Variants in KCNAB2 observed in about 807,000 individuals in gnomAD.
KCNAB2 encodes the protein potassium voltage-gated channel subfamily A regulatory beta subunit 2, also known as voltage-gated potassium channel subunit beta-2.
Under a neutral mutation model 63.6 loss-of-function variants are expected in KCNAB2, and 29 were observed. The observed-to-expected ratio is 0.46, with a 90% CI of 0.34 to 0.62. The LOEUF is 0.62. Ranked by LOEUF, KCNAB2 falls within the 20% of genes least tolerant of loss-of-function variation. The probability of loss-of-function intolerance (pLI) is 0.01; values close to 1 mark genes in which losing one functional copy is unlikely to be tolerated. For missense variants in KCNAB2, 359 were observed against 563.9 expected (o/e 0.64, Z 3.68); for synonymous variants, 222 against 224.2 (o/e 0.99, Z 0.09).
chr1:6,043,047 T>C (rs1660634479), upstream of KCNAB2, among the ~76,000 whole-genome samples: 1 of 152,166 alleles, frequency 6.6e-6, no homozygotes. Flanking sequence ...AACTCCGGCT[T>C]GCAAATGCTT....
intron 2 of KCNAB2, among the ~76,000 whole-genome samples, chr1:6,062,686 A>G (rs1463790827): frequency 6.6e-6 from 1 of 152,188 alleles, no homozygotes; most frequent in Non-Finnish European, 1.5e-5. Context: ...AGCTGATGTC[A>G]CAAGTGACTC....
chr1:6,098,366 G>A, intron 15 of KCNAB2, 119 bp from the exon 16 acceptor site: 2 of 1,502,978 alleles, frequency 1.3e-6, no homozygotes, highest in Admixed American at 2.4e-5. Flanking sequence ...GAGCCCAGAT[G>A]TGATGGGGCA....
At chr1:6,002,942 T>C (rs1657341612) in intron 1 of KCNAB2, among the ~76,000 whole-genome samples, 1 of 152,148 alleles carries the variant, frequency 6.6e-6, no homozygotes, top group African/African-American at 2.4e-5. Context: ...CTTCGTCCCC[T>C]CCACACATTT....
intron 5 of KCNAB2, 70 bp from the exon 6 acceptor site, chr1:6,085,134 G>A: frequency 3.3e-6 from 5 of 1,528,312 alleles, no homozygotes; most frequent in Non-Finnish European, 4.5e-6. Flanking sequence ...CAAGTGGCCA[G>A]TGGCCACAGT....
At chr1:6,085,086 T>C (rs924480054) in intron 5 of KCNAB2, 118 bp from the exon 6 acceptor site, 10 of 1,050,514 alleles carry the variant, frequency 9.5e-6, no homozygotes, top group Non-Finnish European at 1.5e-5. Flanking sequence ...GTTAACAGCC[T>C]GGCTCTCTGG....
At chr1:6,021,774 A>G (rs530595105) in intron 1 of KCNAB2, among the ~76,000 whole-genome samples, 9 of 150,902 alleles carry the variant, frequency 6.0e-5, no homozygotes, top group Non-Finnish European at 1.2e-4. Flanking sequence ...AATGGTATTG[A>G]GTGTACAGTT....
intron 2 of KCNAB2, among the ~76,000 whole-genome samples, chr1:6,061,374 C>T (rs1472062579): frequency 6.6e-6 from 1 of 151,988 alleles, no homozygotes; most frequent in Non-Finnish European, 1.5e-5. Context: ...CGGGCGGGGG[C>T]TCACGCCTGT....
intron 7 of KCNAB2, 112 bp from the exon 8 acceptor site, chr1:6,088,896 G>GCAAAT: frequency 1.1e-6 from 1 of 929,004 alleles, no homozygotes; most frequent in Non-Finnish European, 1.6e-6. Flanking sequence ...GACTCCACAC[G>GCAAAT]GCATTTGCTG....
chr1:6,095,391 G>A lies in KCNAB2; in HGVS notation c.801G>A (p.Met267Ile). 1 of 1,613,066 alleles carries A rather than the reference G, an allele frequency of 6.2e-7. No individual in the cohort carries two copies. The highest frequency in any genetic ancestry group is 8.5e-7 in the Non-Finnish European group (1 of 1,180,026). ...TCTGCGAGCAGGCTGAGTACCACATGTTCCAGCGTGAGAAAGTGGAGGTGC... is the reference window on the plus strand; with the variant it reads ...TCTGCGAGCAGGCTGAGTACCACATATTCCAGCGTGAGAAAGTGGAGGTGC... ...PPICEQAEYHMFQREKVEVQL... is the reference protein window; with the variant it reads ...PPICEQAEYHIFQREKVEVQL... The change falls in exon 12 of 16, where the codon ATG (methionine) becomes ATA (isoleucine). Residue 267 changes from methionine to isoleucine, a missense_variant. Transcript: ENST00000378083.
At chr1:6,090,281 A>C in intron 8 of KCNAB2, 108 bp from the exon 9 acceptor site, 52 of 659,100 alleles carry the variant, frequency 7.9e-5, no homozygotes, top group Non-Finnish European at 1.0e-4. Flanking sequence ...TCCAGATGCC[A>C]GAGGCCTCTT....
chr1:6,092,455 C>T (rs887092482), intron 10 of KCNAB2, among the ~76,000 whole-genome samples: 2 of 152,228 alleles, frequency 1.3e-5, no homozygotes, highest in Non-Finnish European at 2.9e-5. Context: ...AGACAGCTGC[C>T]GGGGAGGGAG....
At chr1:5,999,495 G>T (rs539159932) in intron 1 of KCNAB2, among the ~76,000 whole-genome samples, 3 of 152,234 alleles carry the variant, frequency 2.0e-5, no homozygotes, top group African/African-American at 7.2e-5. Context: ...AAGCTCCGGC[G>T]AGAAGGGCTT....
intron 10 of KCNAB2, among the ~76,000 whole-genome samples, chr1:6,092,550 A>G (rs1379211501): frequency 1.3e-5 from 2 of 152,238 alleles, no homozygotes; most frequent in Non-Finnish European, 2.9e-5. Flanking sequence ...AAGAATCGGG[A>G]ACTGATGCTG....
At chr1:6,020,000 C>T (rs1168601147) in intron 1 of KCNAB2, among the ~76,000 whole-genome samples, 1 of 152,184 alleles carries the variant, frequency 6.6e-6, no homozygotes, top group Non-Finnish European at 1.5e-5. Flanking sequence ...TTTCAGTTGT[C>T]CCCAGTGGGA....
At chr1:6,043,863 C>T (rs770561816), upstream of KCNAB2, among the ~76,000 whole-genome samples, 1 of 152,200 alleles carries the variant, frequency 6.6e-6, no homozygotes, top group Non-Finnish European at 1.5e-5. Context: ...CTCAGTGCCA[C>T]GCAGCAATCA....
chr1:6,061,260 A>C (rs1662291799), intron 2 of KCNAB2, among the ~76,000 whole-genome samples: 1 of 152,168 alleles, frequency 6.6e-6, no homozygotes, highest in Admixed American at 6.5e-5. Context: ...AGAACCAGAA[A>C]TGGGTTGTAG....
chr1:6,048,114 C>G (rs1661083026), intron 1 of KCNAB2, among the ~76,000 whole-genome samples: 1 of 152,224 alleles, frequency 6.6e-6, no homozygotes, highest in South Asian at 2.1e-4. Flanking sequence ...CAGCCTTCCA[C>G]CATCTTGTTG....
In KCNAB2 at chr1:6,099,669, G is replaced by A; in HGVS notation, c.*1095G>A. 8.0e-7 allele frequency: 1 copy of A among 1,257,850 alleles called. No individual in the cohort carries two copies. Among genetic ancestry groups the A allele is most frequent in the Middle Eastern group, 2.8e-4 (1 of 3,534 alleles). The allele number at this position is 1,257,850 out of a possible 1,614,324, so 77.9% of individuals were successfully genotyped here. A position where few individuals can be genotyped will look rare whatever the true frequency, so the allele number is the denominator to read the frequency against. ...GCGCATGCTTGGACCCTTTCAGTAA[G>A]GAAGGGTCTTTGGGGTTTTCTGTGC... On this transcript the variant is annotated 3_prime_UTR_variant, in exon 16 of 16. Coordinates refer to ENST00000378083, the MANE Select transcript of KCNAB2 (RefSeq NM_001199862.2).
chr1:6,072,787 G>A lies in KCNAB2; in HGVS notation c.251G>A (p.Cys84Tyr). The change falls in exon 3 of 16, where the codon TGC (cysteine) becomes TAC (tyrosine). Residue 84 changes from cysteine to tyrosine, a missense_variant. Transcript: ENST00000378083. ...GGCAAGTCTGGCCTGCGGGTCTCCT[G>A]CCTGGGACTTGGTGAGTGTGGGGGT... Reference protein sequence around the residue: ...NLGKSGLRVSCLGLGTWVTFG... With the variant: ...NLGKSGLRVSYLGLGTWVTFG... The A allele has an allele frequency of 6.2e-7, 1 of 1,613,924 alleles. No individual in the cohort carries two copies. Among genetic ancestry groups the A allele is most frequent in the Non-Finnish European group, 8.5e-7 (1 of 1,179,858 alleles).
Sources: gnomAD v4.1 joint callset for allele counts (sites outside exome capture counted in the v4.1 genomes callset) on GRCh38, gnomAD v4.1.1 for gene constraint, MANE v1.5 for transcripts, NCBI Gene and HGNC (gene_info 2026-07-23, HGNC 2026-07-21) for gene names.